Variants in HTR7 observed in about 807,000 individuals in gnomAD.
The protein encoded by HTR7 is 5-HT-7.
Under a neutral mutation model 34.0 loss-of-function variants are expected in HTR7, and 16 were observed. The observed-to-expected ratio is 0.47, with a 90% CI of 0.32 to 0.71. The LOEUF (loss-of-function observed/expected upper bound fraction) is 0.71. Among genes scored for constraint, HTR7 ranks in the 30% least tolerant of loss-of-function variants. The pLI, the probability that HTR7 is intolerant of heterozygous loss-of-function variation, is 0.04. For missense variants in HTR7, 504 were observed against 625.5 expected (o/e 0.81, Z 2.07); for synonymous variants, 265 against 260.2 (o/e 1.02, Z -0.18).
At chr10:90,774,093 C>A (rs954785146) in intron 1 of HTR7, among the ~76,000 whole-genome samples, 2 of 151,870 alleles carry the variant, frequency 1.3e-5, no homozygotes, top group African/African-American at 4.8e-5. Flanking sequence ...AGCAAGATGG[C>A]AAACATAATG....
intron 1 of HTR7, among the ~76,000 whole-genome samples, chr10:90,758,040 G>A (rs1295245762): frequency 6.6e-6 from 1 of 152,092 alleles, no homozygotes; most frequent in East Asian, 1.9e-4. Flanking sequence ...AGCAGGAGCT[G>A]AGAATAGAAA....
intron 1 of HTR7, among the ~76,000 whole-genome samples, chr10:90,830,625 A>T (rs1846153295): frequency 1.3e-5 from 2 of 152,062 alleles, no homozygotes; most frequent in Non-Finnish European, 2.9e-5. Context: ...ATCTCTACAA[A>T]AAATACAAAA....
intron 1 of HTR7, among the ~76,000 whole-genome samples, chr10:90,792,230 G>A (rs187973440): frequency 1.3e-5 from 2 of 152,174 alleles, no homozygotes; most frequent in East Asian, 3.9e-4. Context: ...GCAAAGTAGT[G>A]CGAGTTAAAA....
Position 90,749,772 on chromosome 10 carries a change from G to A in HTR7, c.540-178C>T, listed in dbSNP as rs1044228437. ...TCTGAGATGTTACCTATTTTATTCCGGGTCACACAGAGGCATTGCCAGATT... is the reference window on the plus strand; with the variant it reads ...TCTGAGATGTTACCTATTTTATTCCAGGTCACACAGAGGCATTGCCAGATT... On this transcript the variant is annotated intron_variant, in intron 1 of 3. Coordinates refer to ENST00000336152, the MANE Select transcript of HTR7 (RefSeq NM_019859.4). This position sits in a 1 kb window ranked among gnomAD's most constrained non-coding sequence, Gnocchi z 4.2. Among the ~76,000 whole-genome samples the A allele has an allele frequency of 3.9e-5, 6 of 152,104 alleles. No individual in the cohort carries two copies. The highest frequency in any genetic ancestry group is 2.1e-4 in the South Asian group (1 of 4,826).
intron 1 of HTR7, among the ~76,000 whole-genome samples, chr10:90,765,476 A>C (rs1055073598): frequency 1.3e-5 from 2 of 150,918 alleles, no homozygotes; most frequent in Admixed American, 6.6e-5. Flanking sequence ...TCCAAAAAAA[A>C]CTAGCTCTGG....
chr10:90,776,495 A>G (rs1845213414), intron 1 of HTR7, among the ~76,000 whole-genome samples: 1 of 152,244 alleles, frequency 6.6e-6, no homozygotes, highest in African/African-American at 2.4e-5. Context: ...TAAACCTTAG[A>G]CAAGATGCGA....
intron 1 of HTR7, among the ~76,000 whole-genome samples, chr10:90,751,069 C>A (rs780719399): frequency 1.1e-4 from 16 of 152,280 alleles, no homozygotes; most frequent in Admixed American, 5.2e-4. Flanking sequence ...AGGAGCCAGG[C>A]GTTCATGACG....
chr10:90,810,613 C>A (rs1845790738), intron 1 of HTR7, among the ~76,000 whole-genome samples: 1 of 152,176 alleles, frequency 6.6e-6, no homozygotes, highest in Non-Finnish European at 1.5e-5. Context: ...TGGTGCTGAA[C>A]CCATATACTC....
At chr10:90,834,405 A>G (rs1846224116) in intron 1 of HTR7, among the ~76,000 whole-genome samples, 1 of 152,162 alleles carries the variant, frequency 6.6e-6, no homozygotes, top group South Asian at 2.1e-4. Context: ...GGAAATCACT[A>G]AAGGCCTGCT....
chr10:90,777,929 A>ACACCCCTT (rs1845244702), intron 1 of HTR7, among the ~76,000 whole-genome samples: 2 of 152,210 alleles, frequency 1.3e-5, no homozygotes, highest in South Asian at 4.2e-4. Context: ...CAAATCCCAC[A>ACACCCCTT]CACCCCTTCA....
chr10:90,826,599 GA>G (rs1846078808), intron 1 of HTR7, among the ~76,000 whole-genome samples: 1 of 152,202 alleles, frequency 6.6e-6, no homozygotes, highest in Non-Finnish European at 1.5e-5. Context: ...GCAAGAGGAT[GA>G]AGGTGAAGTG....
In HTR7 at chr10:90,749,272, C is replaced by T. The variant is rs1844693779; in HGVS notation, c.862G>A (p.Ala288Thr). 5.6e-6 allele frequency: 9 copies of T among 1,614,066 alleles called. No homozygotes were observed. The highest frequency in any genetic ancestry group is 2.2e-5 in the East Asian group (1 of 44,872). The change falls in exon 2 of 4, where the codon GCC becomes ACC. Residue 288 changes from alanine to threonine, a missense_variant. By Grantham distance (58) the Ala-to-Thr change is moderately conservative. Coordinates refer to ENST00000336152, the MANE Select transcript of HTR7 (RefSeq NM_019859.4). This position sits in a 1 kb window ranked among gnomAD's most constrained non-coding sequence, Gnocchi z 4.2. ...TGGAGCTTCACTATGCCATTCAGGG[C>T]GATGACGCTGTCTGGCTCCACTCGA... Reference protein sequence around the residue: ...FPRVEPDSVIALNGIVKLQKE... With the variant: ...FPRVEPDSVITLNGIVKLQKE...
chr10:90,844,930 C>T (rs2120104298), intron 1 of HTR7, among the ~76,000 whole-genome samples: 1 of 151,998 alleles, frequency 6.6e-6, no homozygotes, highest in East Asian at 1.9e-4. Flanking sequence ...GTGATTCTAA[C>T]ATGCAGCCAG....
At chr10:90,757,081 CAATA>C (rs1175696531) in intron 1 of HTR7, among the ~76,000 whole-genome samples, 1 of 151,960 alleles carries the variant, frequency 6.6e-6, no homozygotes, top group Non-Finnish European at 1.5e-5. Flanking sequence ...AATTTATCAG[CAATA>C]ATAAAAGAAA....
chr10:90,852,586 A>G (rs562938128), intron 1 of HTR7, among the ~76,000 whole-genome samples: 10 of 152,334 alleles, frequency 6.6e-5, no homozygotes, highest in African/African-American at 2.4e-4. Context: ...CAGAAACTAG[A>G]AAAAAACTCA....
intron 1 of HTR7, among the ~76,000 whole-genome samples, chr10:90,848,337 TG>T (rs1846444409): frequency 6.6e-6 from 1 of 152,194 alleles, no homozygotes; most frequent in South Asian, 2.1e-4. Context: ...GCTGGCATGC[TG>T]GCATTATAGG....
At chr10:90,808,199 G>C (rs992995512) in intron 1 of HTR7, among the ~76,000 whole-genome samples, 199 of 152,174 alleles carry the variant, frequency 1.3e-3, no homozygotes, top group Non-Finnish European at 4.3e-4. Context: ...CACTTTTCTG[G>C]GGGGGGCAAG....
intron 1 of HTR7, among the ~76,000 whole-genome samples, chr10:90,767,131 G>A (rs1409879768): frequency 1.3e-5 from 2 of 152,162 alleles, no homozygotes; most frequent in African/African-American, 4.8e-5. Flanking sequence ...GTGGGATGAG[G>A]TCACGGGCTT....
At chr10:90,745,267 G>T (rs1373390932) in intron 2 of HTR7, among the ~76,000 whole-genome samples, 1 of 152,138 alleles carries the variant, frequency 6.6e-6, no homozygotes, top group African/African-American at 2.4e-5. Context: ...TTCCATGTCT[G>T]GTGAGGGCTC....
Sources: gnomAD v4.1 joint callset for allele counts (sites outside exome capture counted in the v4.1 genomes callset) on GRCh38, gnomAD v4.1.1 for gene constraint, Gnocchi (gnomAD v3.1) non-coding constraint, MANE v1.5 for transcripts, NCBI Gene and HGNC (gene_info 2026-07-23, HGNC 2026-07-21) for gene names.